EVI5: variants seen among roughly 807,000 people sequenced by gnomAD.
The protein encoded by EVI5 is ecotropic viral integration site 5.
Under a neutral mutation model 112.0 loss-of-function variants are expected in EVI5, and 73 were observed. That is an observed-to-expected ratio of 0.65 (90% CI 0.54 to 0.79). EVI5 has a LOEUF of 0.79. Among genes scored for constraint, EVI5 ranks in the 30% least tolerant of loss-of-function variants. EVI5 has a pLI of 0.00. For missense variants in EVI5, 900 were observed against 968.8 expected (o/e 0.93, Z 0.94); for synonymous variants, 305 against 319.9 (o/e 0.95, Z 0.50).
intron 13 of EVI5, among the ~76,000 whole-genome samples, chr1:92,650,594 T>C (rs1011623862): frequency 6.6e-6 from 1 of 152,058 alleles, no homozygotes; most frequent in Admixed American, 6.5e-5. Flanking sequence ...AATCTTATAA[T>C]TGGTATATTT....
At chr1:92,568,655 T>C (rs1422580552) in intron 18 of EVI5, among the ~76,000 whole-genome samples, 1 of 152,136 alleles carries the variant, frequency 6.6e-6, no homozygotes, top group Non-Finnish European at 1.5e-5. Context: ...CACAAATATG[T>C]GGACTTTCGT....
At chr1:92,776,011 G>C (rs1289550152) in intron 1 of EVI5, among the ~76,000 whole-genome samples, 7 of 152,000 alleles carry the variant, frequency 4.6e-5, no homozygotes, top group Admixed American at 4.6e-4. Context: ...GGGAGGCTGA[G>C]GCAGGAGAAT....
chr1:92,550,065 C>T (rs545968252), intron 19 of EVI5, among the ~76,000 whole-genome samples: 2 of 152,174 alleles, frequency 1.3e-5, no homozygotes, highest in East Asian at 3.9e-4. Context: ...TACTGCAGCA[C>T]TATTCACAAT....
intron 14 of EVI5, among the ~76,000 whole-genome samples, chr1:92,631,034 T>A (rs1656942200): frequency 6.6e-6 from 1 of 152,346 alleles, no homozygotes; most frequent in South Asian, 2.1e-4. Context: ...GTTCCATTGA[T>A]CTATATCTCT....
chr1:92,723,243 A>C (rs1349667314), intron 2 of EVI5, among the ~76,000 whole-genome samples: 7 of 152,232 alleles, frequency 4.6e-5, no homozygotes, highest in Admixed American at 3.9e-4. Context: ...TAACATTCAC[A>C]ATATATTTAT....
chr1:92,585,739 T>C (rs981294308), intron 18 of EVI5, among the ~76,000 whole-genome samples: 1 of 152,158 alleles, frequency 6.6e-6, no homozygotes, highest in Non-Finnish European at 1.5e-5. Context: ...CAGTTTCCCC[T>C]ATTATTAATA....
intron 2 of EVI5, among the ~76,000 whole-genome samples, chr1:92,729,646 T>G (rs919193224): frequency 2.0e-5 from 3 of 152,226 alleles, no homozygotes; most frequent in Non-Finnish European, 4.4e-5. Context: ...ATATGACCTA[T>G]GCACATCCTC....
chr1:92,694,581 C>T (rs181357889), intron 7 of EVI5, among the ~76,000 whole-genome samples, 193 bp from the exon 8 acceptor site: 1 of 152,234 alleles, frequency 6.6e-6, no homozygotes, highest in East Asian at 1.9e-4. Flanking sequence ...CTCAGTTCTG[C>T]CACTACAACC....
At chr1:92,647,428 C>T in intron 13 of EVI5, 1 of 331,716 alleles carries the variant, frequency 3.0e-6, no homozygotes, top group Non-Finnish European at 5.9e-6. Flanking sequence ...CTGCACCTTC[C>T]AAGCATAGCA....
intron 19 of EVI5, among the ~76,000 whole-genome samples, chr1:92,524,646 CAT>C (rs1416171949): frequency 3.3e-5 from 5 of 152,126 alleles, no homozygotes; most frequent in Non-Finnish European, 7.4e-5. Flanking sequence ...CTTGAGAGAA[CAT>C]GTGTGTTTGG....
intron 14 of EVI5, among the ~76,000 whole-genome samples, chr1:92,631,471 G>C (rs888073106): frequency 2.4e-4 from 36 of 152,014 alleles, no homozygotes; most frequent in African/African-American, 8.2e-4. Context: ...TCATGATTTG[G>C]CTCTCTGTTT....
chr1:92,621,688 G>A lies in EVI5; in HGVS notation c.1827+2488C>T, dbSNP rs182534875. On this transcript the variant is annotated intron_variant, in intron 16 of 19. Coordinates refer to ENST00000684568, the MANE Select transcript of EVI5 (RefSeq NM_001350197.2). ...TCCCTCAAGTGTACATATATTCAGT[G>A]GTTTTTAGCCTATTGAGAGTTGAAC... Among the ~76,000 whole-genome samples the A allele has an allele frequency of 1.3e-3, 194 of 152,176 alleles. 1 individual carries two copies. Among genetic ancestry groups the A allele is most frequent in the African/African-American group, 4.6e-3 (191 of 41,514 alleles).
At chr1:92,584,188 CTCTT>C (rs1467448135) in intron 18 of EVI5, among the ~76,000 whole-genome samples, 1 of 148,324 alleles carries the variant, frequency 6.7e-6, no homozygotes, top group Non-Finnish European at 1.5e-5. Context: ...CAAGTGCTCT[CTCTT>C]TCGTAAAAAA....
chr1:92,762,047 G>C (rs774574856), intron 1 of EVI5, among the ~76,000 whole-genome samples: 1 of 152,066 alleles, frequency 6.6e-6, no homozygotes, highest in Non-Finnish European at 1.5e-5. Context: ...ATCAGAGAGA[G>C]ATGGAAGTTG....
intron 11 of EVI5, among the ~76,000 whole-genome samples, chr1:92,665,059 G>C (rs967495910): frequency 6.6e-6 from 1 of 152,118 alleles, no homozygotes; most frequent in Non-Finnish European, 1.5e-5. Context: ...ACAAAAATTA[G>C]CTAGGCGTGG....
intron 1 of EVI5, among the ~76,000 whole-genome samples, chr1:92,765,528 A>T (rs1682491685): frequency 6.9e-6 from 1 of 144,164 alleles, no homozygotes; most frequent in Admixed American, 7.0e-5. Context: ...TTTTCTGATT[A>T]AAAAAAAAAA....
intron 1 of EVI5, among the ~76,000 whole-genome samples, chr1:92,745,230 C>A (rs1234457327): frequency 6.6e-6 from 1 of 151,872 alleles, no homozygotes; most frequent in Non-Finnish European, 1.5e-5. Flanking sequence ...GTGGACCACC[C>A]ACCCAGCCTT....
intron 19 of EVI5, among the ~76,000 whole-genome samples, chr1:92,542,810 T>C (rs951741726): frequency 3.3e-5 from 5 of 152,230 alleles, no homozygotes; most frequent in African/African-American, 4.8e-5. Context: ...ATCAGAGCTC[T>C]TGGGTGACTA....
intron 19 of EVI5, among the ~76,000 whole-genome samples, chr1:92,556,063 T>A (rs1667635840): frequency 6.6e-6 from 1 of 151,442 alleles, no homozygotes; most frequent in African/African-American, 2.4e-5. Context: ...TTTTCTTTCT[T>A]TCTTTTTTTT....
Sources: allele counts gnomAD v4.1 joint callset (sites outside exome capture counted in the v4.1 genomes callset), GRCh38; gene constraint gnomAD v4.1.1; transcripts MANE v1.5; gene names NCBI Gene and HGNC (gene_info 2026-07-23, HGNC 2026-07-21).